EPHA6: variants seen among roughly 807,000 people sequenced by gnomAD.
EPHA6 encodes ephrin type-A receptor 6.
EPHA6 carries 50 observed loss-of-function variants against 112.0 expected under a neutral mutation model. The observed-to-expected ratio is 0.45, with a 90% CI of 0.36 to 0.56. EPHA6 has a LOEUF of 0.56. Ranked by LOEUF, EPHA6 falls within the 20% of genes least tolerant of loss-of-function variation. The pLI is 0.00. For missense variants in EPHA6, 1,280 were observed against 1,417.4 expected (o/e 0.90, Z 1.56); for synonymous variants, 529 against 490.7 (o/e 1.08, Z -1.03).
intron 11 of EPHA6, among the ~76,000 whole-genome samples, chr3:97,535,037 T>G (rs1394163978): frequency 7.2e-6 from 1 of 139,158 alleles, no homozygotes; most frequent in Non-Finnish European, 1.5e-5. Context: ...CATCTATCCT[T>G]TCTCAATCAC....
chr3:97,708,845 T>TGC (rs2033815754), intron 14 of EPHA6, among the ~76,000 whole-genome samples: 1 of 152,146 alleles, frequency 6.6e-6, no homozygotes, highest in Non-Finnish European at 1.5e-5. Flanking sequence ...CTTCAGAGGG[T>TGC]GCAAGCGTCA....
rs1248927948 is a variant in EPHA6 at position 96,836,675 on chromosome 3, T to G, written c.385+21667T>G. 2.6e-5 allele frequency among the ~76,000 whole-genome samples: 4 copies of G among 152,132 alleles called. 1 individual carries two copies. The highest frequency in any genetic ancestry group is 9.6e-5 in the African/African-American group (4 of 41,456). On this transcript the variant is annotated intron_variant, in intron 1 of 17. Coordinates refer to ENST00000389672, the MANE Select transcript of EPHA6 (RefSeq NM_001080448.3). Reference sequence around the variant, plus strand: ...CAGATGAGCCGTTCTACCTCCCTTTTGAGTCAAAAAGAAGAGAACAGTAAA... The same window carrying G: ...CAGATGAGCCGTTCTACCTCCCTTTGGAGTCAAAAAGAAGAGAACAGTAAA...
At chr3:97,561,215 G>A (rs1455929413) in intron 11 of EPHA6, among the ~76,000 whole-genome samples, 1 of 151,930 alleles carries the variant, frequency 6.6e-6, no homozygotes, top group Non-Finnish European at 1.5e-5. Flanking sequence ...CATATCTCTG[G>A]CGTTTAAATC....
intron 15 of EPHA6, among the ~76,000 whole-genome samples, chr3:97,722,718 T>C (rs1226747288): frequency 6.6e-6 from 1 of 152,078 alleles, no homozygotes; most frequent in Non-Finnish European, 1.5e-5. Flanking sequence ...TAAGAGATAT[T>C]GGGTTGTTGA....
intron 2 of EPHA6, among the ~76,000 whole-genome samples, chr3:96,895,136 C>G (rs915816875): frequency 6.6e-6 from 1 of 152,078 alleles, no homozygotes. Flanking sequence ...TACGAAATGG[C>G]AGTTTCATGC....
At chr3:97,077,136 C>T (rs1231884808) in intron 3 of EPHA6, among the ~76,000 whole-genome samples, 1 of 152,086 alleles carries the variant, frequency 6.6e-6, no homozygotes, top group African/African-American at 2.4e-5. Context: ...AGTGATTCTT[C>T]TGATGAATCT....
At chr3:97,305,213 T>C (rs964234395) in intron 5 of EPHA6, among the ~76,000 whole-genome samples, 1 of 151,978 alleles carries the variant, frequency 6.6e-6, no homozygotes, top group African/African-American at 2.4e-5. Flanking sequence ...ATGGTGATTA[T>C]TAAAAAGTCA....
intron 5 of EPHA6, among the ~76,000 whole-genome samples, chr3:97,324,801 A>T (rs1206974371): frequency 6.6e-6 from 1 of 152,016 alleles, no homozygotes; most frequent in Non-Finnish European, 1.5e-5. Flanking sequence ...CGGCCTCCCA[A>T]AGTGCTAGGA....
chr3:97,442,130 A>G (rs1276814636), intron 6 of EPHA6, among the ~76,000 whole-genome samples: 1 of 152,158 alleles, frequency 6.6e-6, no homozygotes, highest in Admixed American at 6.6e-5. Flanking sequence ...TTATGACTAT[A>G]AGCTCTTTTA....
At chr3:97,598,133 T>C (rs2093609501) in intron 12 of EPHA6, among the ~76,000 whole-genome samples, 1 of 151,950 alleles carries the variant, frequency 6.6e-6, no homozygotes, top group Non-Finnish European at 1.5e-5. Context: ...CCATTTTTAT[T>C]TTTTATTTTT....
chr3:97,648,288 C>T lies in EPHA6; in HGVS notation c.2784+10206C>T, dbSNP rs370311700. 261 of 1,076,754 alleles carry T rather than the reference C, an allele frequency of 2.4e-4. 5 individuals are homozygous for T. The East Asian group carries it at 4.4e-3, about 18-fold the overall frequency. 66.7% of individuals were successfully genotyped at this position (1,076,754 alleles called of 1,614,324 possible). A position where few individuals can be genotyped will look rare whatever the true frequency, so the allele number is the denominator to read the frequency against. ...TTCTGTTTACTTTGCATTCATAGGA[C>T]CTCTTCCAAACTCTAACACTTAACC... On this transcript the variant is annotated intron_variant, in intron 14 of 17. Coordinates refer to ENST00000389672, the MANE Select transcript of EPHA6 (RefSeq NM_001080448.3).
At chr3:97,279,045 T>C (rs1214601704) in intron 5 of EPHA6, among the ~76,000 whole-genome samples, 1 of 152,166 alleles carries the variant, frequency 6.6e-6, no homozygotes, top group South Asian at 2.1e-4. Flanking sequence ...TTCACAACAA[T>C]TATAATCTAT....
intron 5 of EPHA6, among the ~76,000 whole-genome samples, chr3:97,363,426 T>C (rs1057365013): frequency 6.6e-6 from 1 of 151,124 alleles, no homozygotes; most frequent in Non-Finnish European, 1.5e-5. Context: ...CCTGGTTTAC[T>C]TATCTCATTA....
intron 3 of EPHA6, among the ~76,000 whole-genome samples, chr3:97,038,062 A>T (rs954322801): frequency 5.9e-5 from 9 of 152,004 alleles, no homozygotes; most frequent in African/African-American, 9.7e-5. Context: ...TTGAGAGTAC[A>T]TGAGATATGT....
chr3:96,825,163 C>A (rs997367802), intron 1 of EPHA6, among the ~76,000 whole-genome samples: 1 of 151,546 alleles, frequency 6.6e-6, no homozygotes, highest in Non-Finnish European at 1.5e-5. Flanking sequence ...AGTTTTTATG[C>A]GTTTAAAGAT....
chr3:97,561,953 G>A (rs1470678662), intron 11 of EPHA6, among the ~76,000 whole-genome samples: 4 of 152,094 alleles, frequency 2.6e-5, no homozygotes, highest in African/African-American at 9.7e-5. Flanking sequence ...AACAAAGCTT[G>A]CATGACAGCA....
intron 5 of EPHA6, among the ~76,000 whole-genome samples, chr3:97,273,705 G>A (rs1461076363): frequency 6.6e-6 from 1 of 152,124 alleles, no homozygotes; most frequent in Non-Finnish European, 1.5e-5. Context: ...TGAATACCAA[G>A]AGCCTGAAAA....
chr3:97,674,867 GACTT>G (rs2031210626), intron 14 of EPHA6, among the ~76,000 whole-genome samples: 1 of 152,052 alleles, frequency 6.6e-6, no homozygotes, highest in Non-Finnish European at 1.5e-5. Context: ...AGCCATTTTT[GACTT>G]ACTTCATCGG....
At chr3:97,354,092 A>C (rs1473281157) in intron 5 of EPHA6, among the ~76,000 whole-genome samples, 1 of 152,234 alleles carries the variant, frequency 6.6e-6, no homozygotes, top group Non-Finnish European at 1.5e-5. Context: ...CCCCTAATGC[A>C]CATACAATTG....
Sources: allele counts gnomAD v4.1 joint callset (sites outside exome capture counted in the v4.1 genomes callset), GRCh38; gene constraint gnomAD v4.1.1; transcripts MANE v1.5; gene names NCBI Gene and HGNC (gene_info 2026-07-23, HGNC 2026-07-21).